The following DOCK8 variants were observed in gnomAD, a reference collection of about 807,000 sequenced individuals.
DOCK8 encodes dedicator of cytokinesis 8, also known as dedicator of cytokinesis protein 8.
Under a neutral mutation model 245.6 loss-of-function variants are expected in DOCK8, and 141 were observed. That is an observed-to-expected ratio of 0.57 (90% CI 0.50 to 0.66). The LOEUF (loss-of-function observed/expected upper bound fraction) is 0.66, where lower values mean the gene tolerates loss of function less well. DOCK8 is among the 30% of genes least tolerant of loss of function. DOCK8 has a pLI of 0.00. For missense variants in DOCK8, 2,965 were observed against 2,603.4 expected, an observed-to-expected ratio of 1.14 and a Z score of -3.02; for synonymous variants, 1,168 against 970.2, an observed-to-expected ratio of 1.20 and a Z score of -3.79.
chr9:433,982 T>C lies in DOCK8; in HGVS notation c.4886+7T>C. 1 of 1,599,282 alleles carries C rather than the reference T, an allele frequency of 6.3e-7. No homozygotes were observed. The highest frequency in any genetic ancestry group is 8.6e-7 in the Non-Finnish European group (1 of 1,166,310). Reference sequence around the variant, plus strand: ...TTATGGATCTCATGTACAGGTAAGCTTTCCTGACACACTCAAGGGACACCA... The same window carrying C: ...TTATGGATCTCATGTACAGGTAAGCCTTCCTGACACACTCAAGGGACACCA... On this transcript the variant is annotated splice_region_variant and intron_variant, in intron 38 of 47. Coordinates refer to ENST00000432829, the MANE Select transcript of DOCK8 (RefSeq NM_203447.4).
At chr9:355,750 T>C (rs980094472) in intron 14 of DOCK8, among the ~76,000 whole-genome samples, 12 of 152,268 alleles carry the variant, frequency 7.9e-5, no homozygotes, top group African/African-American at 2.9e-4. Context: ...ATTTCTCCTC[T>C]TGCACAGCAC....
intron 19 of DOCK8, 24 bp downstream of exon 19, chr9:376,329 T>A: frequency 6.5e-7 from 1 of 1,541,088 alleles, no homozygotes; most frequent in South Asian, 1.1e-5. Flanking sequence ...AGGTTAATCA[T>A]GAAGGTAAAG....
At chr9:248,578 TC>T (rs2047570576) in intron 1 of DOCK8, among the ~76,000 whole-genome samples, 1 of 112,106 alleles carries the variant, frequency 8.9e-6, no homozygotes, top group Non-Finnish European at 1.9e-5. Context: ...TCTTTCTCTC[TC>T]TCTGTCTTTC....
chr9:275,653 A>G (rs964516887), intron 2 of DOCK8, among the ~76,000 whole-genome samples: 3 of 151,844 alleles, frequency 2.0e-5, no homozygotes, highest in African/African-American at 4.8e-5. Context: ...CAGTGGCGCA[A>G]TCTTGGCTCA....
At chr9:285,875 G>T (rs2130279867) in intron 2 of DOCK8, among the ~76,000 whole-genome samples, 1 of 152,274 alleles carries the variant, frequency 6.6e-6, no homozygotes, top group African/African-American at 2.4e-5. Context: ...ACCAGCACCA[G>T]TCGCCCCAGT....
intron 20 of DOCK8, among the ~76,000 whole-genome samples, chr9:378,325 C>T (rs1016274962): frequency 6.6e-5 from 10 of 152,154 alleles, no homozygotes; most frequent in Admixed American, 1.3e-4. Flanking sequence ...CTGCAGAGAA[C>T]CAGAAAAGTG....
At chr9:248,657 A>T (rs952982312) in intron 1 of DOCK8, among the ~76,000 whole-genome samples, 1 of 151,280 alleles carries the variant, frequency 6.6e-6, no homozygotes, top group Non-Finnish European at 1.5e-5. Flanking sequence ...AGCTGTCACG[A>T]CCTAATGAAA....
intron 1 of DOCK8, among the ~76,000 whole-genome samples, chr9:229,568 C>T (rs1469410660): frequency 6.6e-6 from 1 of 152,090 alleles, no homozygotes; most frequent in Non-Finnish European, 1.5e-5. Flanking sequence ...CACATGTCCC[C>T]AAAGGCAGGA....
intron 4 of DOCK8, among the ~76,000 whole-genome samples, chr9:291,626 T>A (rs558738303): frequency 3.9e-4 from 60 of 152,268 alleles, no homozygotes; most frequent in Non-Finnish European, 7.6e-4. Context: ...ATTCCTTCCT[T>A]TTCAGTGTTG....
Position 357,268 on chromosome 9 carries a change from C to G in DOCK8, c.1680-10750C>G, listed in dbSNP as rs1024078982. ...AGGTATTCTACAAATATCATAGCAGCTATATTTAATCAATTCATGTTCAAA... is the reference window on the plus strand; with the variant it reads ...AGGTATTCTACAAATATCATAGCAGGTATATTTAATCAATTCATGTTCAAA... On this transcript the variant is annotated intron_variant, in intron 14 of 47. Transcript: ENST00000432829. Among the ~76,000 whole-genome samples the G allele has an allele frequency of 1.5e-4, 23 of 152,104 alleles. 1 individual carries two copies. The highest frequency in any genetic ancestry group is 2.9e-4 in the Non-Finnish European group (20 of 68,022).
intron 39 of DOCK8, among the ~76,000 whole-genome samples, chr9:437,772 C>T (rs2056952962): frequency 6.6e-6 from 1 of 152,182 alleles, no homozygotes; most frequent in Admixed American, 6.5e-5. Context: ...CACTGAAATT[C>T]TGTGTCCCAG....
chr9:365,250 G>A (rs57772811), intron 14 of DOCK8, among the ~76,000 whole-genome samples: 3,998 of 152,326 alleles, frequency 0.026, 177 homozygotes, highest in African/African-American at 0.09. Flanking sequence ...TTGAGAAGGC[G>A]TTGCAGGGGT....
At chr9:338,315 C>A (rs1004885646) in intron 12 of DOCK8, among the ~76,000 whole-genome samples, 3 of 152,090 alleles carry the variant, frequency 2.0e-5, no homozygotes, top group Non-Finnish European at 2.9e-5. Flanking sequence ...AACTGAAATG[C>A]AAAAGGGATG....
chr9:329,493 G>A lies in DOCK8; in HGVS notation c.1044+1322G>A, dbSNP rs1476472850. Reference sequence around the variant, plus strand: ...ATAACAAAGATTATGAGAGGTTACTGTAGCTTGAGGGGAACTTATTTAAGC... The same window carrying A: ...ATAACAAAGATTATGAGAGGTTACTATAGCTTGAGGGGAACTTATTTAAGC... On this transcript the variant is annotated intron_variant, in intron 9 of 47. Coordinates refer to ENST00000432829, the MANE Select transcript of DOCK8 (RefSeq NM_203447.4). Among the ~76,000 whole-genome samples, 6 of 152,286 alleles carry A rather than the reference G, an allele frequency of 3.9e-5. No homozygotes were observed. The South Asian group carries it at 6.2e-4, about 16-fold the overall frequency.
chr9:451,969 ATATATATATTTTTTTTTTTT>A lies in DOCK8; in HGVS notation c.5962-40_5962-21del, dbSNP rs1564085354. ...TGTGTGTGTGTGTATATATATATAT[ATATATATATTTTTTTTTTTT>A]TTTTTTTTTTTTTCCCACCAGGGAC... is the stretch of plus-strand genomic sequence containing the variant. On this transcript the variant is annotated intron_variant, in intron 45 of 47. Coordinates refer to ENST00000432829, the MANE Select transcript of DOCK8 (RefSeq NM_203447.4). 4.2e-4 allele frequency: 166 copies of A among 397,144 alleles called. No individual in the cohort carries two copies. The African/African-American group carries it at 6.8e-3, about 16-fold the overall frequency. 24.6% of individuals were successfully genotyped at this position (397,144 alleles called of 1,614,324 possible). A position where few individuals can be genotyped will look rare whatever the true frequency, so the allele number is the denominator to read the frequency against.
chr9:367,896 C>T, intron 14 of DOCK8, 122 bp from the exon 15 acceptor site: 1 of 774,538 alleles, frequency 1.3e-6, no homozygotes, highest in Non-Finnish European at 2.3e-6. Flanking sequence ...TAATTCACTT[C>T]TGAGAGGAAA....
Position 330,458 on chromosome 9 carries a change from C to T in DOCK8, c.1045-1940C>T, listed in dbSNP as rs891641764. Among the ~76,000 whole-genome samples the T allele has an allele frequency of 1.1e-4, 16 of 152,092 alleles. 1 individual carries two copies. Among genetic ancestry groups the T allele is most frequent in the Non-Finnish European group, 5.9e-5 (4 of 68,012 alleles). On this transcript the variant is annotated intron_variant, in intron 9 of 47. Transcript: ENST00000432829. ...GTTTACAATCCAGTTAAAAAAACAA[C>T]TTGGCATTCAAAGAAATGGGTTCAA...
chr9:347,005 A>T (rs752350268), intron 14 of DOCK8, among the ~76,000 whole-genome samples: 10 of 152,122 alleles, frequency 6.6e-5, no homozygotes, highest in Non-Finnish European at 1.2e-4. Context: ...TTCAGAGTGG[A>T]TCTTCTCAGT....
chr9:298,122 G>A (rs760837773), intron 4 of DOCK8, among the ~76,000 whole-genome samples: 2 of 152,130 alleles, frequency 1.3e-5, no homozygotes, highest in Non-Finnish European at 2.9e-5. Context: ...AGCATCTTTT[G>A]AAGAGAAAAT....
Sources: allele counts gnomAD v4.1 joint callset (sites outside exome capture counted in the v4.1 genomes callset), GRCh38; gene constraint gnomAD v4.1.1; transcripts MANE v1.5; gene names NCBI Gene and HGNC (gene_info 2026-07-23, HGNC 2026-07-21).